Variants in KLHL1 observed in about 807,000 individuals in gnomAD.
The protein encoded by KLHL1 is kelch like family member 1.
In KLHL1, 47 loss-of-function variants were observed where a neutral mutation model predicts 77.7. The observed-to-expected ratio is 0.60, with a 90% CI of 0.48 to 0.77. The LOEUF (loss-of-function observed/expected upper bound fraction) is 0.77, where lower values mean the gene tolerates loss of function less well. Ranked by LOEUF, KLHL1 falls within the 30% of genes least tolerant of loss-of-function variation. The pLI, the probability that KLHL1 is intolerant of heterozygous loss-of-function variation, is 0.00. For synonymous variants in KLHL1, 360 were observed against 325.2 expected (o/e 1.11, Z -1.15); for missense variants, 925 against 910.8 (o/e 1.02, Z -0.20).
intron 4 of KLHL1, among the ~76,000 whole-genome samples, chr13:69,917,428 A>T (rs183611593): frequency 2.6e-5 from 4 of 152,206 alleles, no homozygotes; most frequent in Admixed American, 1.3e-4. Context: ...AACTGCCTAT[A>T]AAACTGACCT....
intron 8 of KLHL1, among the ~76,000 whole-genome samples, chr13:69,730,137 A>C (rs1446561851): frequency 6.6e-6 from 1 of 152,198 alleles, no homozygotes; most frequent in Non-Finnish European, 1.5e-5. Flanking sequence ...TTTCTGATTA[A>C]GATTGGAGAA....
chr13:69,735,574 CATA>C (rs538030619), intron 8 of KLHL1, among the ~76,000 whole-genome samples: 41 of 149,244 alleles, frequency 2.7e-4, no homozygotes, highest in African/African-American at 8.7e-4. Flanking sequence ...TAAATAAACA[CATA>C]ATATGTAAAA....
At chr13:69,745,407 T>G (rs1874165561) in intron 7 of KLHL1, among the ~76,000 whole-genome samples, 1 of 152,044 alleles carries the variant, frequency 6.6e-6, no homozygotes, top group South Asian at 2.1e-4. Flanking sequence ...ATTAATTCTT[T>G]GTTAATATTT....
chr13:69,977,727 C>A (rs1022280654), intron 1 of KLHL1, among the ~76,000 whole-genome samples: 32 of 152,166 alleles, frequency 2.1e-4, no homozygotes, highest in African/African-American at 7.7e-4. Flanking sequence ...GAACCTCTTC[C>A]TCTTGAGATG....
intron 7 of KLHL1, among the ~76,000 whole-genome samples, chr13:69,746,040 A>G (rs1382112793): frequency 1.3e-5 from 2 of 151,532 alleles, no homozygotes; most frequent in Non-Finnish European, 3.0e-5. Context: ...TTTTATATAT[A>G]TTACTGAAAT....
chr13:69,992,153 G>T (rs1396082550), intron 1 of KLHL1, among the ~76,000 whole-genome samples: 2 of 151,838 alleles, frequency 1.3e-5, no homozygotes, highest in Admixed American at 6.6e-5. Context: ...TTCATTTTAT[G>T]AAATTATTTT....
chr13:69,873,774 T>A (rs1365372167), intron 5 of KLHL1, among the ~76,000 whole-genome samples: 1 of 152,170 alleles, frequency 6.6e-6, no homozygotes, highest in Non-Finnish European at 1.5e-5. Context: ...TTTAAAAAAG[T>A]AAATGAAGCT....
intron 1 of KLHL1, among the ~76,000 whole-genome samples, chr13:70,024,376 G>T (rs9599533): frequency 0.33 from 50,660 of 151,280 alleles, 9,691 homozygotes; most frequent in South Asian, 0.46. Flanking sequence ...GAGTGAGAAA[G>T]GGGGAAGAGA....
chr13:70,023,847 A>G (rs1437426025), intron 1 of KLHL1, among the ~76,000 whole-genome samples: 1 of 151,962 alleles, frequency 6.6e-6, no homozygotes, highest in Non-Finnish European at 1.5e-5. Flanking sequence ...TCTGTGGATA[A>G]CTTGCCTCAA....
chr13:69,786,878 C>T (rs139873926), intron 7 of KLHL1, among the ~76,000 whole-genome samples: 5,263 of 152,084 alleles, frequency 0.035, 327 homozygotes, highest in African/African-American at 0.12. Flanking sequence ...CAAACAGAGC[C>T]GAATCATGAG....
intron 1 of KLHL1, among the ~76,000 whole-genome samples, chr13:70,103,601 C>A (rs942965475): frequency 6.6e-6 from 1 of 152,034 alleles, no homozygotes; most frequent in African/African-American, 2.4e-5. Context: ...TAGGCGCAGA[C>A]AATGGCTGTG....
At chr13:70,032,675 T>C (rs1475416365) in intron 1 of KLHL1, among the ~76,000 whole-genome samples, 1 of 152,168 alleles carries the variant, frequency 6.6e-6, no homozygotes, top group Non-Finnish European at 1.5e-5. Context: ...CTTCAGAAAA[T>C]TAAAATAATT....
intron 5 of KLHL1, among the ~76,000 whole-genome samples, chr13:69,876,143 G>T (rs1238055902): frequency 6.6e-6 from 1 of 152,126 alleles, no homozygotes; most frequent in Non-Finnish European, 1.5e-5. Flanking sequence ...CACTTATCAA[G>T]GAGTAGTTTG....
chr13:70,051,488 T>C (rs1886628132), intron 1 of KLHL1, among the ~76,000 whole-genome samples: 1 of 152,024 alleles, frequency 6.6e-6, no homozygotes, highest in Admixed American at 6.6e-5. Flanking sequence ...AGCACATAAT[T>C]GATATTCACC....
intron 7 of KLHL1, among the ~76,000 whole-genome samples, chr13:69,776,207 T>C (rs1875823430): frequency 6.6e-6 from 1 of 152,158 alleles, no homozygotes; most frequent in African/African-American, 2.4e-5. Flanking sequence ...GAATCTCATA[T>C]TTAACCTCCA....
At chr13:69,938,197 G>T (rs1883244014) in intron 4 of KLHL1, among the ~76,000 whole-genome samples, 3 of 152,052 alleles carry the variant, frequency 2.0e-5, no homozygotes, top group Admixed American at 1.3e-4. Context: ...GGACAATATA[G>T]ATCTGGGAAG....
At chr13:69,735,031 A>G (rs1873705077) in intron 8 of KLHL1, among the ~76,000 whole-genome samples, 1 of 152,230 alleles carries the variant, frequency 6.6e-6, no homozygotes, top group Non-Finnish European at 1.5e-5. Flanking sequence ...GAATGCAAAA[A>G]TTAAAGAATT....
chr13:69,959,164 T>A (rs963456228), intron 3 of KLHL1, among the ~76,000 whole-genome samples: 4 of 151,972 alleles, frequency 2.6e-5, no homozygotes, highest in Admixed American at 6.6e-5. Context: ...CAGAGCCAAA[T>A]CTGGGTCATT....
At chr13:69,880,431 T>C (rs1336598064) in intron 5 of KLHL1, among the ~76,000 whole-genome samples, 1 of 152,102 alleles carries the variant, frequency 6.6e-6, no homozygotes, top group African/African-American at 2.4e-5. Flanking sequence ...GTTTGAAGGA[T>C]GAGGAATGGA....
Sources: allele counts gnomAD v4.1 joint callset (sites outside exome capture counted in the v4.1 genomes callset), GRCh38; gene constraint gnomAD v4.1.1; transcripts MANE v1.5; gene names NCBI Gene and HGNC (gene_info 2026-07-23, HGNC 2026-07-21).